SLC9A2: variants seen among roughly 807,000 people sequenced by gnomAD.
SLC9A2 encodes sodium/hydrogen exchanger 2.
Under a neutral mutation model 71.7 loss-of-function variants are expected in SLC9A2, and 42 were observed. The ratio of observed to expected loss-of-function variants is 0.59; its 90% confidence interval spans 0.46 to 0.76. The LOEUF (loss-of-function observed/expected upper bound fraction) is 0.76, where lower values mean the gene tolerates loss of function less well. Ranked by LOEUF, SLC9A2 falls within the 30% of genes least tolerant of loss-of-function variation. The pLI, the probability that SLC9A2 is intolerant of heterozygous loss-of-function variation, is 0.00. For synonymous variants in SLC9A2, 396 were observed against 392.5 expected (o/e 1.01, Z -0.10); for missense variants, 829 against 1,017.4 (o/e 0.81, Z 2.52).
At position 102,620,136 on chromosome 2, in the gene SLC9A2, T is replaced by C; in HGVS notation, c.288T>C (p.Ile96=). The C allele has an allele frequency of 6.3e-7, 1 of 1,598,112 alleles. No individual in the cohort carries two copies. The highest frequency in any genetic ancestry group is 8.6e-7 in the Non-Finnish European group (1 of 1,168,988). ...LWILLASLAK[I]GFHLYHKLPT... Reference sequence around the variant, plus strand: ...TCCTGCTGGCCTCCCTGGCCAAGATTGGTGAGCGAACTGGACTTGTGGGGA... The same window carrying C: ...TCCTGCTGGCCTCCCTGGCCAAGATCGGTGAGCGAACTGGACTTGTGGGGA... The change falls in exon 1 of 12, where the codon ATT becomes ATC. Residue 96 remains isoleucine (I), a splice_region_variant and synonymous_variant. Coordinates refer to ENST00000233969, the MANE Select transcript of SLC9A2 (RefSeq NM_003048.6).
intron 1 of SLC9A2, among the ~76,000 whole-genome samples, chr2:102,648,367 C>A (rs776310425): frequency 5.9e-5 from 9 of 152,264 alleles, no homozygotes; most frequent in African/African-American, 9.6e-5. Flanking sequence ...CTATTTATGA[C>A]AAACCCATAG....
intron 1 of SLC9A2, among the ~76,000 whole-genome samples, chr2:102,643,910 CT>C (rs11301515): frequency 0.43 from 62,691 of 146,260 alleles, 13,474 homozygotes; most frequent in East Asian, 0.77. Flanking sequence ...CATTTTCTTA[CT>C]TTTTTTTTTT....
Position 102,684,326 on chromosome 2 carries a change from T to G in SLC9A2, c.1415T>G (p.Val472Gly). The change falls in exon 5 of 12, where the codon GTC becomes GGC. Residue 472 changes from valine to glycine, a missense_variant. By Grantham distance (109) the Val-to-Gly change is moderately radical. Transcript: ENST00000233969. ...TAAIVVIFFT[V>G]FILGITIRPL... ...GCCATTGTTGTCATATTCTTTACTG[T>G]CTTCATTCTGGTAAGTAGAGTGATC... The G allele has an allele frequency of 1.2e-6, 2 of 1,613,732 alleles. No individual in the cohort carries two copies. Among genetic ancestry groups the G allele is most frequent in the Non-Finnish European group, 1.7e-6 (2 of 1,179,586 alleles).
intron 3 of SLC9A2, among the ~76,000 whole-genome samples, chr2:102,667,702 T>C (rs944341008): frequency 6.6e-6 from 1 of 152,208 alleles, no homozygotes; most frequent in Non-Finnish European, 1.5e-5. Flanking sequence ...TTCGTGGGCC[T>C]TTGTTTCCAA....
chr2:102,681,410 C>G (rs1190534373), intron 3 of SLC9A2, among the ~76,000 whole-genome samples: 1 of 152,234 alleles, frequency 6.6e-6, no homozygotes, highest in East Asian at 1.9e-4. Flanking sequence ...GATTCATACC[C>G]TGGCACCACC....
At chr2:102,696,261 A>G (rs550457853) in intron 7 of SLC9A2, among the ~76,000 whole-genome samples, 28 of 152,214 alleles carry the variant, frequency 1.8e-4, no homozygotes, top group Non-Finnish European at 3.1e-4. Flanking sequence ...ATTTATTAGC[A>G]TATCACTGGC....
chr2:102,705,732 C>G, intron 10 of SLC9A2, 114 bp from the exon 11 acceptor site: 1 of 571,832 alleles, frequency 1.7e-6, no homozygotes, highest in East Asian at 3.2e-5. Context: ...ATTTTGGAAT[C>G]AGAAATTAAA....
chr2:102,673,790 T>TG (rs199766895), intron 3 of SLC9A2, among the ~76,000 whole-genome samples: 2,293 of 135,242 alleles, frequency 0.017, 33 homozygotes, highest in Middle Eastern at 0.025. Flanking sequence ...AATAAATACT[T>TG]TTTTTTTTTT....
At position 102,708,595 on chromosome 2, in the gene SLC9A2, TAA is replaced by T. The variant is rs1305248624; in HGVS notation, c.*108_*109del. 2 of 1,317,906 alleles carry T rather than the reference TAA, an allele frequency of 1.5e-6. No individual in the cohort carries two copies. Among genetic ancestry groups the T allele is most frequent in the Non-Finnish European group, 1.0e-6 (1 of 957,932 alleles). 81.6% of individuals were successfully genotyped at this position (1,317,906 alleles called of 1,614,324 possible). ...ATCCATGTAAAACTCTCTGTGCATCTAAATACTTCTGGAGGGCGACAGATTCA... is the reference window on the plus strand; with the variant it reads ...ATCCATGTAAAACTCTCTGTGCATCTATACTTCTGGAGGGCGACAGATTCA... On this transcript the variant is annotated 3_prime_UTR_variant, in exon 12 of 12. Coordinates refer to ENST00000233969, the MANE Select transcript of SLC9A2 (RefSeq NM_003048.6).
intron 7 of SLC9A2, among the ~76,000 whole-genome samples, chr2:102,696,775 G>C (rs149634699): frequency 7.2e-5 from 11 of 152,302 alleles, no homozygotes; most frequent in Non-Finnish European, 1.5e-4. Context: ...TTTGTATGGA[G>C]AGCACGCCCA....
intron 3 of SLC9A2, among the ~76,000 whole-genome samples, chr2:102,679,748 T>C (rs141173410): frequency 6.0e-4 from 92 of 152,350 alleles, no homozygotes; most frequent in African/African-American, 2.1e-3. Context: ...TGGAGATTAC[T>C]TTTTGCCTGT....
At chr2:102,671,915 G>A (rs1041490614) in intron 3 of SLC9A2, among the ~76,000 whole-genome samples, 3 of 152,082 alleles carry the variant, frequency 2.0e-5, no homozygotes, top group Non-Finnish European at 4.4e-5. Context: ...AGACCAGCCT[G>A]GAAAACATGG....
chr2:102,621,992 C>T (rs1407774754), intron 1 of SLC9A2, among the ~76,000 whole-genome samples: 4 of 152,014 alleles, frequency 2.6e-5, no homozygotes, highest in Non-Finnish European at 5.9e-5. Flanking sequence ...ATCTTCATGC[C>T]AGATAAGATT....
intron 1 of SLC9A2, among the ~76,000 whole-genome samples, chr2:102,633,012 G>A (rs928030730): frequency 2.0e-5 from 3 of 152,138 alleles, no homozygotes; most frequent in Non-Finnish European, 4.4e-5. Context: ...GCAACCAGTG[G>A]TGCATTTTCT....
Position 102,661,891 on chromosome 2 carries a change from A to G in SLC9A2, c.754-3209A>G, listed in dbSNP as rs549686399. On this transcript the variant is annotated intron_variant, in intron 2 of 11. Transcript: ENST00000233969. ...ATATACCTATGTAAATTAAAATTCT[A>G]AAACACTTCTCGGCATAGATTCCCT... Among the ~76,000 whole-genome samples the G allele has an allele frequency of 5.9e-5, 9 of 152,356 alleles. No homozygotes were observed. The South Asian group carries it at 1.2e-3, about 21-fold the overall frequency.
chr2:102,633,507 A>C (rs1020909470), intron 1 of SLC9A2, among the ~76,000 whole-genome samples: 1 of 152,194 alleles, frequency 6.6e-6, no homozygotes, highest in Non-Finnish European at 1.5e-5. Context: ...ACGCAATAAT[A>C]ATAGCACCCG....
At chr2:102,630,295 G>A (rs1014596631) in intron 1 of SLC9A2, among the ~76,000 whole-genome samples, 5 of 151,858 alleles carry the variant, frequency 3.3e-5, no homozygotes, top group Admixed American at 2.0e-4. Context: ...CTTTAGTCTT[G>A]TATGGAAACA....
chr2:102,633,787 A>G, intron 1 of SLC9A2, among the ~76,000 whole-genome samples: 1 of 152,218 alleles, frequency 6.6e-6, no homozygotes, highest in East Asian at 1.9e-4. Flanking sequence ...TTAACACGTT[A>G]AGTATTCATA....
chr2:102,682,395 C>T (rs1677470211), intron 3 of SLC9A2, among the ~76,000 whole-genome samples: 1 of 152,134 alleles, frequency 6.6e-6, no homozygotes, highest in African/African-American at 2.4e-5. Flanking sequence ...AGCGGAGGCA[C>T]ATGGTGTGTG....
Sources: allele counts gnomAD v4.1 joint callset (sites outside exome capture counted in the v4.1 genomes callset), GRCh38; gene constraint gnomAD v4.1.1; transcripts MANE v1.5; gene names NCBI Gene and HGNC (gene_info 2026-07-23, HGNC 2026-07-21).